The following VTN variants were observed in gnomAD, a reference collection of about 807,000 sequenced individuals.
The protein encoded by VTN is vitronectin, also known as complement S-protein.
VTN carries 45 observed loss-of-function variants against 55.9 expected under a neutral mutation model. The ratio of observed to expected loss-of-function variants is 0.80; its 90% CI spans 0.63 to 1.03. The LOEUF is 1.03. Among genes scored for constraint, VTN ranks in the 50% least tolerant of loss-of-function variants. The probability of loss-of-function intolerance (pLI) is 0.00; values close to 1 mark genes in which losing one functional copy is unlikely to be tolerated. For synonymous variants in VTN, 238 were observed against 242.3 expected, an observed-to-expected ratio of 0.98 and a Z score of 0.17; for missense variants, 589 against 638.2, an observed-to-expected ratio of 0.92 and a Z score of 0.83.
In VTN at chr17:28,368,971, T is replaced by G. The variant is rs782750465; in HGVS notation, c.727A>C (p.Ile243Leu). The G allele has an allele frequency of 1.4e-5, 23 of 1,603,662 alleles. No individual in the cohort carries two copies. Among genetic ancestry groups the G allele is most frequent in the African/African-American group, 2.7e-5 (2 of 74,088 alleles). The change falls in exon 5 of 8, where the codon ATC becomes CTC. Residue 243 changes from isoleucine (I) to leucine (L), a missense_variant. Ile to Leu is a conservative substitution (Grantham distance 5). Coordinates refer to ENST00000226218, the MANE Select transcript of VTN (RefSeq NM_000638.4). ...GGGATGCCATCGAAGCCGTCAGAGA[T>G]ATTTCGGGGGTAATCAGGGTCCAGG... ...GVLDPDYPRN[I>L]SDGFDGIPDN...
In VTN at chr17:28,369,757, C is replaced by G. The variant is rs782293537; in HGVS notation, c.279G>C (p.Val93=). 8 of 1,614,030 alleles carry G rather than the reference C, an allele frequency of 5.0e-6. No individual in the cohort carries two copies. The East Asian group carries it at 6.7e-5, about 13-fold the overall frequency. The change falls in exon 3 of 8, where the codon GTG becomes GTC. Residue 93 remains valine (V), a synonymous_variant. Transcript: ENST00000226218. This position sits in a 1 kb window ranked among gnomAD's most constrained non-coding sequence, Gnocchi z 5.3. ...EKNNATVHEQ[V]GGPSLTSDLQ... is the part of the protein sequence containing the mutation. ...GGTCAGAGGTCAGGGAGGGGCCCCC[C>G]ACCTGTTCATGGACAGTGGCATTGT...
chr17:28,368,488 G>A (rs782687426), intron 6 of VTN, 33 bp downstream of exon 6: 2 of 1,610,326 alleles, frequency 1.2e-6, no homozygotes, highest in Non-Finnish European at 8.5e-7. Context: ...CAGCCCTTTT[G>A]AGGGAGAAGC....
In VTN at chr17:28,369,886, CA is replaced by C. The variant is rs782653082; in HGVS notation, c.185-36del. 6 of 1,612,146 alleles carry C rather than the reference CA, an allele frequency of 3.7e-6. No individual in the cohort carries two copies. In the African/African-American group the frequency reaches 8.0e-5, roughly 22 times the overall value. On this transcript the variant is annotated intron_variant, in intron 2 of 7. Coordinates refer to ENST00000226218, the MANE Select transcript of VTN (RefSeq NM_000638.4). The surrounding 1 kb of genome is among the most constrained non-coding windows in gnomAD (Gnocchi z 5.3). ...GTGGATGGTAGTGAGTCTCCAGCAG[CA>C]GGGGGCACCCCAGCCCACCCACCTG...
In VTN at chr17:28,367,733, C is replaced by G. The variant is rs1486548316; in HGVS notation, c.1306G>C (p.Val436Leu). Reference sequence around the variant, plus strand: ...CTCCTACCTCCAGAGAAGAAGAAGACACTCTGGATGGGTTCACAGGTGGCA... The same window carrying G: ...CTCCTACCTCCAGAGAAGAAGAAGAGACTCTGGATGGGTTCACAGGTGGCA... ...VPATCEPIQS[V>L]FFFSGDKYYR... The change falls in exon 7 of 8, where the codon GTC (valine) becomes CTC (leucine). Residue 436 changes from valine to leucine, a missense_variant. Val to Leu is a conservative substitution (Grantham distance 32, BLOSUM62 1). Transcript: ENST00000226218. The G allele has an allele frequency of 1.2e-6, 2 of 1,610,522 alleles. No individual in the cohort carries two copies. Among genetic ancestry groups the G allele is most frequent in the African/African-American group, 2.7e-5 (2 of 74,858 alleles).
Position 28,368,867 on chromosome 17 carries a change from A to C in VTN, c.826+5T>G. The C allele has an allele frequency of 6.2e-7, 1 of 1,613,734 alleles. No individual in the cohort carries two copies. Among genetic ancestry groups the C allele is most frequent in the Non-Finnish European group, 8.5e-7 (1 of 1,179,892 alleles). Reference sequence around the variant, plus strand: ...CTGCTCAGTCTCCCACCACCCCCTGAGTACCCTTGAAGAAGTAGACCCGCT... The same window carrying C: ...CTGCTCAGTCTCCCACCACCCCCTGCGTACCCTTGAAGAAGTAGACCCGCT... On this transcript the variant is annotated splice_donor_5th_base_variant and intron_variant, in intron 5 of 7. Transcript: ENST00000226218.
rs782293537 is a variant in VTN, at chr17:28,369,757, C to T, written c.279G>A (p.Val93=). 3 of 1,613,912 alleles carry T rather than the reference C, an allele frequency of 1.9e-6. No homozygotes were observed. Among genetic ancestry groups the T allele is most frequent in the Non-Finnish European group, 1.7e-6 (2 of 1,180,026 alleles). The change falls in exon 3 of 8, where the codon GTG becomes GTA. Residue 93 remains valine, a synonymous_variant. Transcript: ENST00000226218. This position sits in a 1 kb window ranked among gnomAD's most constrained non-coding sequence, Gnocchi z 5.3. The stretch of plus-strand genomic sequence containing the variant: ...GGTCAGAGGTCAGGGAGGGGCCCCC[C>T]ACCTGTTCATGGACAGTGGCATTGT... ...EKNNATVHEQ[V]GGPSLTSDLQ...
Position 28,368,614 on chromosome 17 carries a change from T to C in VTN, c.886A>G (p.Ser296Gly), listed in dbSNP as rs782465603. The C allele has an allele frequency of 6.2e-7, 1 of 1,613,988 alleles. No homozygotes were observed. The highest frequency in any genetic ancestry group is 1.1e-5 in the South Asian group (1 of 91,072). The change falls in exon 6 of 8, where the codon AGC (serine) becomes GGC (glycine). Residue 296 changes from serine (S) to glycine (G), a missense_variant. By Grantham distance (56) the Ser-to-Gly change is moderately conservative. Coordinates refer to ENST00000226218, the MANE Select transcript of VTN (RefSeq NM_000638.4). ...HQPSQEECEG[S>G]SLSAVFEHFA... ...TGTTCAAACACAGCCGACAGGGAGC[T>C]GCCTTCACACTCCTCCTGACTGGGC...
rs2067932859 is a variant in VTN, at chr17:28,369,267, C to T, written c.669+22G>A. 6.4e-7 allele frequency: 1 copy of T among 1,563,768 alleles called. No homozygotes were observed. The highest frequency in any genetic ancestry group is 1.2e-5 in the South Asian group (1 of 84,736). ...CAAACCCTCCCTAGATGCTTTCTAC[C>T]CTGGCCCACAGCCCCTGGCACCTTG... On this transcript the variant is annotated intron_variant, in intron 4 of 7. Coordinates refer to ENST00000226218, the MANE Select transcript of VTN (RefSeq NM_000638.4). This position sits in a 1 kb window ranked among gnomAD's most constrained non-coding sequence, Gnocchi z 5.3.
At position 28,369,890 on chromosome 17, in the gene VTN, G is replaced by A; in HGVS notation, c.184+37C>T. On this transcript the variant is annotated intron_variant, in intron 2 of 7. Coordinates refer to ENST00000226218, the MANE Select transcript of VTN (RefSeq NM_000638.4). The surrounding 1 kb of genome is among the most constrained non-coding windows in gnomAD (Gnocchi z 5.3). The stretch of plus-strand genomic sequence containing the variant: ...ATGGTAGTGAGTCTCCAGCAGCAGG[G>A]GGCACCCCAGCCCACCCACCTGGGC... The A allele has an allele frequency of 2.5e-6, 4 of 1,612,398 alleles. No homozygotes were observed. Among genetic ancestry groups the A allele is most frequent in the Non-Finnish European group, 3.4e-6 (4 of 1,178,748 alleles).
chr17:28,369,228 G>A lies in VTN; in HGVS notation c.669+61C>T. ...AGCTTCCCTGTCCACCCTGTCCCTG[G>A]GAGCAATAGCTCTCAAACCCTCCCT... is the stretch of plus-strand genomic sequence containing the variant. On this transcript the variant is annotated intron_variant, in intron 4 of 7. Transcript: ENST00000226218. The surrounding 1 kb of genome is among the most constrained non-coding windows in gnomAD (Gnocchi z 5.3). 1 of 1,525,970 alleles carries A rather than the reference G, an allele frequency of 6.6e-7. No homozygotes were observed. Among genetic ancestry groups the A allele is most frequent in the Non-Finnish European group, 8.8e-7 (1 of 1,136,074 alleles). 94.5% of individuals were successfully genotyped at this position (1,525,970 alleles called of 1,614,324 possible). A position where few individuals can be genotyped will look rare whatever the true frequency, so the allele number is the denominator to read the frequency against.
In VTN at chr17:28,367,497, G is replaced by A. The variant is rs782709612; in HGVS notation, c.1325-16C>T. 6 of 1,608,234 alleles carry A rather than the reference G, an allele frequency of 3.7e-6. No individual in the cohort carries two copies. In the South Asian group the frequency reaches 5.5e-5, roughly 15 times the overall value. ...TAGTACTTGTCTGGAAGAGAGGAAA[G>A]CAGAGGATGCGTGAGGCCCAGCCTG... On this transcript the variant is annotated splice_polypyrimidine_tract_variant and intron_variant, in intron 7 of 7. Transcript: ENST00000226218.
intron 6 of VTN, among the ~76,000 whole-genome samples, 200 bp from the exon 7 acceptor site, chr17:28,368,259 C>G (rs534369916): frequency 6.6e-5 from 10 of 152,068 alleles, no homozygotes; most frequent in Non-Finnish European, 1.0e-4. Flanking sequence ...GACCCCACCC[C>G]CCCAGGCCCC....
At position 28,369,690 on chromosome 17, in the gene VTN, G is replaced by C. The variant is rs1192750991; in HGVS notation, c.346C>G (p.Leu116Val). ...SKGNPEQTPV[L>V]KPEEEAPAPE... ...GCAGGGGCCTCTTCCTCAGGTTTCA[G>C]AACAGGTGTCTGCTCAGGATTCCCT... Residue 116 changes from leucine to valine, a missense_variant, in exon 3 of 8, where the codon CTG (leucine) becomes GTG (valine). Around this residue, in one of 3 missense-constraint regions of VTN, gnomAD observed 217 missense variants for 241.3 expected, o/e 0.90. Coordinates refer to ENST00000226218, the MANE Select transcript of VTN (RefSeq NM_000638.4). The surrounding 1 kb of genome is among the most constrained non-coding windows in gnomAD (Gnocchi z 5.3). The C allele has an allele frequency of 1.2e-6, 2 of 1,613,716 alleles. No homozygotes were observed. The highest frequency in any genetic ancestry group is 1.7e-6 in the Non-Finnish European group (2 of 1,180,012).
Position 28,369,756 on chromosome 17 carries a change from C to T in VTN, c.280G>A (p.Gly94Arg), listed in dbSNP as rs970401046. The T allele has an allele frequency of 6.2e-7, 1 of 1,614,016 alleles. No individual in the cohort carries two copies. Among genetic ancestry groups the T allele is most frequent in the Non-Finnish European group, 8.5e-7 (1 of 1,180,020 alleles). The stretch of plus-strand genomic sequence containing the variant: ...AGGTCAGAGGTCAGGGAGGGGCCCC[C>T]CACCTGTTCATGGACAGTGGCATTG... ...KNNATVHEQV[G>R]GPSLTSDLQA... The change falls in exon 3 of 8, where the codon GGG becomes AGG. Residue 94 changes from glycine to arginine, a missense_variant. Physicochemically the swap from Gly to Arg is moderately radical, Grantham distance 125 (BLOSUM62 -2). This residue lies in a region of VTN where 217 missense variants were observed against 241.3 expected (regional missense o/e 0.90). Coordinates refer to ENST00000226218, the MANE Select transcript of VTN (RefSeq NM_000638.4). This position sits in a 1 kb window ranked among gnomAD's most constrained non-coding sequence, Gnocchi z 5.3.
At chr17:28,368,784 C>G (rs2067929074) in intron 5 of VTN, 88 bp downstream of exon 5, 6 of 1,610,184 alleles carry the variant, frequency 3.7e-6, no homozygotes, top group African/African-American at 1.3e-5. Context: ...CAGGGGTGGG[C>G]ACATGCTGAG....
rs782369755 is a variant in VTN, at chr17:28,369,423, A to G, written c.535T>C (p.Tyr179His). The G allele has an allele frequency of 1.1e-5, 17 of 1,595,324 alleles. No homozygotes were observed. The African/African-American group carries it at 2.0e-4, about 19-fold the overall frequency. The part of the protein sequence containing the change: ...NGSLFAFRGQ[Y>H]CYELDEKAVR... ...GCCTTTTCGTCCAGTTCATAGCAGTACTGCCCTAGAGTGGAGGAGATGGTG... is the reference window on the plus strand; with the variant it reads ...GCCTTTTCGTCCAGTTCATAGCAGTGCTGCCCTAGAGTGGAGGAGATGGTG... The change falls in exon 4 of 8, where the codon TAC becomes CAC. Residue 179 changes from tyrosine (Y) to histidine (H), a missense_variant. This residue lies in a region of VTN where 217 missense variants were observed against 241.3 expected (regional missense o/e 0.90). Transcript: ENST00000226218. This position sits in a 1 kb window ranked among gnomAD's most constrained non-coding sequence, Gnocchi z 5.3.
In VTN at chr17:28,370,060, G is replaced by T. The variant is rs782605669; in HGVS notation, c.65-14C>A. 1 of 1,613,998 alleles carries T rather than the reference G, an allele frequency of 6.2e-7. No individual in the cohort carries two copies. The highest frequency in any genetic ancestry group is 8.5e-7 in the Non-Finnish European group (1 of 1,180,000). On this transcript the variant is annotated splice_polypyrimidine_tract_variant and intron_variant, in intron 1 of 7. Coordinates refer to ENST00000226218, the MANE Select transcript of VTN (RefSeq NM_000638.4). The stretch of plus-strand genomic sequence containing the variant: ...CCTTGCATGACTCTATGAGGAAGGA[G>T]TGTCAGTCGGTGCCACCAAGCCCAG...
rs1186097801 is a variant in VTN at position 28,368,685 on chromosome 17, G to A, written c.827-12C>T. 17 of 1,612,622 alleles carry A rather than the reference G, an allele frequency of 1.1e-5. No homozygotes were observed. The highest frequency in any genetic ancestry group is 3.5e-4 in the Middle Eastern group (2 of 5,776). ...CCAGTACTGTTTCCCTGAGGAGCAG[G>A]GTGGTGGGCATTAGGAGGGCTGGGC... On this transcript the variant is annotated splice_polypyrimidine_tract_variant and intron_variant, in intron 5 of 7. Transcript: ENST00000226218.
rs782638893 is a variant in VTN, at chr17:28,369,573, GCTC to G, written c.460_462del (p.Glu154del). 2.5e-6 allele frequency: 4 copies of G among 1,612,772 alleles called. No individual in the cohort carries two copies. Among genetic ancestry groups the G allele is most frequent in the South Asian group, 1.1e-5 (1 of 91,092 alleles). On this transcript the variant is annotated inframe_deletion, in exon 3 of 8. Transcript: ENST00000226218. This position sits in a 1 kb window ranked among gnomAD's most constrained non-coding sequence, Gnocchi z 5.3. ...GCGTCGAAGGGCTTCCCACTGCACA[GCTC>G]CTCCTCTGCTGGGGGCTGAGGTCTC...
Sources: allele counts gnomAD v4.1 joint callset (sites outside exome capture counted in the v4.1 genomes callset), GRCh38; gene constraint gnomAD v4.1.1; regional missense constraint gnomAD v4.1.1; non-coding constraint Gnocchi (gnomAD v3.1); transcripts MANE v1.5; gene names NCBI Gene and HGNC (gene_info 2026-07-23, HGNC 2026-07-21).